BOD1L1: variants seen among roughly 807,000 people sequenced by gnomAD.
The protein encoded by BOD1L1 is biorientation of chromosomes in cell division protein 1-like 1.
BOD1L1 carries 86 observed loss-of-function variants against 240.7 expected under a neutral mutation model. That is an observed-to-expected ratio of 0.36 (90% CI 0.30 to 0.43). BOD1L1 has a LOEUF of 0.43. Among genes scored for constraint, BOD1L1 ranks in the 20% least tolerant of loss-of-function variants. BOD1L1 has a pLI of 1.00. For synonymous variants in BOD1L1, 1,268 were observed against 1,272.3 expected, an observed-to-expected ratio of 1.00 and a Z score of 0.07; for missense variants, 3,554 against 3,643.5, an observed-to-expected ratio of 0.98 and a Z score of 0.63.
At position 13,602,839 on chromosome 4, in the gene BOD1L1, G is replaced by C. The variant is rs780987705; in HGVS notation, c.4061C>G (p.Thr1354Arg). 2.5e-6 allele frequency: 4 copies of C among 1,613,904 alleles called. No homozygotes were observed. The highest frequency in any genetic ancestry group is 3.4e-6 in the Non-Finnish European group (4 of 1,179,900). Residue 1354 changes from threonine to arginine, a missense_variant, in exon 10 of 26, where the codon ACA (threonine) becomes AGA (arginine). By Grantham distance (71) the Thr-to-Arg change is moderately conservative (BLOSUM62 -1). Coordinates refer to ENST00000040738, the MANE Select transcript of BOD1L1 (RefSeq NM_148894.3). ...GCTAGTGATGCTTGCTTTTGCTGGT[G>C]TATCTACTGTGAAACCTTCACCACC... Reference protein sequence around the residue: ...KEGGEGFTVDTPAKASITSKR... With the variant: ...KEGGEGFTVDRPAKASITSKR...
intron 5 of BOD1L1, among the ~76,000 whole-genome samples, chr4:13,611,347 T>C (rs1025050753): frequency 6.6e-6 from 1 of 152,198 alleles, no homozygotes; most frequent in Admixed American, 6.5e-5. Flanking sequence ...AAGGAAAATT[T>C]CAGACAAATT....
At chr4:13,624,607 G>C (rs563722698) in intron 1 of BOD1L1, 2 of 152,210 alleles carry the variant, frequency 1.3e-5, no homozygotes, top group Non-Finnish European at 2.9e-5. Flanking sequence ...TTTTACTAGA[G>C]ATGGGGTTTC....
At chr4:13,588,163 G>C (rs550113810) in intron 15 of BOD1L1, among the ~76,000 whole-genome samples, 2 of 147,066 alleles carry the variant, frequency 1.4e-5, no homozygotes, top group East Asian at 2.0e-4. Flanking sequence ...ACTCCAGCCC[G>C]TGCAACAGGG....
At position 13,604,811 on chromosome 4, in the gene BOD1L1, G is replaced by A; in HGVS notation, c.2089C>T (p.Leu697Phe). 1 of 1,613,042 alleles carries A rather than the reference G, an allele frequency of 6.2e-7. No homozygotes were observed. The highest frequency in any genetic ancestry group is 8.5e-7 in the Non-Finnish European group (1 of 1,179,686). ...TEEPQKQKST[L>F]KNEKHLKKDD... is the part of the protein sequence containing the mutation. ...TTCTTTAGATGCTTTTCGTTTTTAA[G>A]TGTGCTTTTCTGTTTCTGGGGCTCT... The change falls in exon 10 of 26, where the codon CTT (leucine) becomes TTT (phenylalanine). Residue 697 changes from leucine (L) to phenylalanine (F), a missense_variant. Leu to Phe is a conservative substitution (Grantham distance 22). Transcript: ENST00000040738.
chr4:13,582,395 G>C, intron 18 of BOD1L1, 85 bp from the exon 19 acceptor site: 1 of 1,013,544 alleles, frequency 9.9e-7, no homozygotes, highest in Non-Finnish European at 1.5e-6. Flanking sequence ...CACAGCTGCA[G>C]CCACACATAA....
chr4:13,596,034 C>T, intron 11 of BOD1L1, 90 bp from the exon 12 acceptor site: 1 of 1,003,690 alleles, frequency 1.0e-6, no homozygotes. Flanking sequence ...AAAAACCCAG[C>T]ATCCTGAAAC....
In BOD1L1 at chr4:13,602,009, G is replaced by A; in HGVS notation, c.4891C>T (p.Leu1631=). The change falls in exon 10 of 26, where the codon CTG becomes TTG. Residue 1631 remains leucine, a synonymous_variant. Transcript: ENST00000040738. ...TCGATTTTAACTGCATGCACAGCCA[G>A]TAGGTCTGCTGCTCTGTCCTCAGAT... The part of the protein sequence containing the change: ...AESEDRAADL[L]AVHAVKIEAN... 1 of 1,613,986 alleles carries A rather than the reference G, an allele frequency of 6.2e-7. No homozygotes were observed. Among genetic ancestry groups the A allele is most frequent in the South Asian group, 1.1e-5 (1 of 91,088 alleles).
rs750845392 is a variant in BOD1L1, at chr4:13,604,539, G to T, written c.2361C>A (p.Thr787=). 6.5e-7 allele frequency: 1 copy of T among 1,535,848 alleles called. No individual in the cohort carries two copies. Among genetic ancestry groups the T allele is most frequent in the South Asian group, 1.3e-5 (1 of 77,114 alleles). Residue 787 remains threonine (T), a synonymous_variant, in exon 10 of 26, where the codon ACC becomes ACA. Coordinates refer to ENST00000040738, the MANE Select transcript of BOD1L1 (RefSeq NM_148894.3). ...QQTKLSSDDK[T]ERKSKHRNER... is the part of the protein sequence containing the mutation. ...CATTCCTATGTTTACTTTTTCGTTC[G>T]GTTTTATCATCTGAAGAAAGCTTTG...
At chr4:13,577,678 T>C (rs1191984993) in intron 22 of BOD1L1, 47 bp from the exon 23 acceptor site, 1 of 1,410,592 alleles carries the variant, frequency 7.1e-7, no homozygotes, top group Admixed American at 2.1e-5. Context: ...TTACTGTAAA[T>C]TTAAATTTCA....
At chr4:13,612,488 G>T (rs906395671) in intron 5 of BOD1L1, among the ~76,000 whole-genome samples, 1 of 152,124 alleles carries the variant, frequency 6.6e-6, no homozygotes, top group Non-Finnish European at 1.5e-5. Context: ...CTGTGACTTT[G>T]TCTCCTTGCC....
chr4:13,579,181 TCAGAAAACATTCTGAATAA>T (rs1307199161), intron 22 of BOD1L1, among the ~76,000 whole-genome samples: 2 of 152,230 alleles, frequency 1.3e-5, no homozygotes, highest in African/African-American at 4.8e-5. Context: ...TTACCCACAT[TCAGAAAACATTCTGAATAA>T]CACAGCTTTA....
Position 13,603,650 on chromosome 4 carries a change from T to G in BOD1L1, c.3250A>C (p.Lys1084Gln), listed in dbSNP as rs1159256962. The G allele has an allele frequency of 3.7e-6, 6 of 1,613,988 alleles. No homozygotes were observed. Among genetic ancestry groups the G allele is most frequent in the Non-Finnish European group, 5.1e-6 (6 of 1,179,876 alleles). Residue 1084 changes from lysine to glutamine, a missense_variant, in exon 10 of 26, where the codon AAA becomes CAA. This residue lies in a region of BOD1L1 where 3,393 missense variants were observed against 3,427.1 expected (regional missense o/e 0.99). Coordinates refer to ENST00000040738, the MANE Select transcript of BOD1L1 (RefSeq NM_148894.3). ...RRGSLSQEMA[K>Q]GEEKLAANTL... is the part of the protein sequence containing the mutation. The stretch of plus-strand genomic sequence containing the variant: ...TTTGCTGCTAATTTTTCTTCTCCTT[T>G]GGCCATTTCTTGTGACAAGCTTCCT...
chr4:13,572,777 G>C (rs1326614542), intron 25 of BOD1L1: 4 of 1,289,798 alleles, frequency 3.1e-6, no homozygotes, highest in Non-Finnish European at 4.0e-6. Context: ...GCGATTTCTA[G>C]GAGAAACTGT....
Position 13,608,633 on chromosome 4 carries a change from TTGTTGATGATTC to T in BOD1L1, c.1627_1638del (p.Glu543_Thr546del), listed in dbSNP as rs1560210122. 1.1e-5 allele frequency: 17 copies of T among 1,553,282 alleles called. No homozygotes were observed. Among genetic ancestry groups the T allele is most frequent in the Non-Finnish European group, 1.2e-5 (14 of 1,152,234 alleles). On this transcript the variant is annotated inframe_deletion, in exon 8 of 26. Transcript: ENST00000040738. ...CTGGCGGCTTTAGGTTCCAAACTCT[TTGTTGATGATTC>T]TTCTAAGTCCACACTACTCCTGCCT... is the stretch of plus-strand genomic sequence containing the variant.
At position 13,592,334 on chromosome 4, in the gene BOD1L1, G is replaced by A. The variant is rs146625724; in HGVS notation, c.8105-368C>T. ...ACACTGGTTCATTTAAAATAATAGC[G>A]TCAAATGAAAAGTTAGATCCTATCC... On this transcript the variant is annotated intron_variant, in intron 12 of 25. Coordinates refer to ENST00000040738, the MANE Select transcript of BOD1L1 (RefSeq NM_148894.3). The A allele has an allele frequency of 1.5e-3, 261 of 169,732 alleles. 1 individual carries two copies. Among genetic ancestry groups the A allele is most frequent in the African/African-American group, 5.3e-3 (223 of 42,134 alleles). 10.5% of individuals were successfully genotyped at this position (169,732 alleles called of 1,614,324 possible). A position where few individuals can be genotyped will look rare whatever the true frequency, so the allele number is the denominator to read the frequency against.
Position 13,603,602 on chromosome 4 carries a change from A to C in BOD1L1, c.3298T>G (p.Ser1100Ala). The change falls in exon 10 of 26, where the codon TCC becomes GCC. Residue 1100 changes from serine (S) to alanine (A), a missense_variant. Ser to Ala is a moderately conservative substitution (Grantham distance 99). This residue lies in a region of BOD1L1 where 3,393 missense variants were observed against 3,427.1 expected (regional missense o/e 0.99). Coordinates refer to ENST00000040738, the MANE Select transcript of BOD1L1 (RefSeq NM_148894.3). ...CTCTTTTTTGGTCTCTGAAGGGAGG[A>C]ACCGCTGGGAGTGCTCAAAGTGTTT... Reference protein sequence around the residue: ...AANTLSTPSGSSLQRPKKSGD... With the variant: ...AANTLSTPSGASLQRPKKSGD... 1 of 1,613,880 alleles carries C rather than the reference A, an allele frequency of 6.2e-7. No individual in the cohort carries two copies. The highest frequency in any genetic ancestry group is 1.1e-5 in the South Asian group (1 of 91,076).
chr4:13,590,179 C>A (rs1373692222), intron 14 of BOD1L1, among the ~76,000 whole-genome samples: 2 of 152,198 alleles, frequency 1.3e-5, no homozygotes, highest in South Asian at 2.1e-4. Context: ...CACTTTTAAG[C>A]TGTATGGCTT....
At chr4:13,625,117 G>A (rs1240544994) in intron 1 of BOD1L1, 3 of 152,138 alleles carry the variant, frequency 2.0e-5, no homozygotes, top group African/African-American at 7.2e-5. Context: ...ATAGTCATGC[G>A]CCCTGAGAAA....
At chr4:13,580,549 A>G (rs1179807947) in intron 21 of BOD1L1, among the ~76,000 whole-genome samples, 1 of 152,180 alleles carries the variant, frequency 6.6e-6, no homozygotes, top group Non-Finnish European at 1.5e-5. Flanking sequence ...ATCCTGATAC[A>G]ATGATTTTGG....
Sources: gnomAD v4.1 joint callset for allele counts (sites outside exome capture counted in the v4.1 genomes callset) on GRCh38, gnomAD v4.1.1 for gene constraint, gnomAD v4.1.1 regional missense constraint, MANE v1.5 for transcripts, NCBI Gene and HGNC (gene_info 2026-07-23, HGNC 2026-07-21) for gene names.